The following LHFPL3 variants were observed in gnomAD, a reference collection of about 807,000 sequenced individuals.
The protein encoded by LHFPL3 is LHFPL tetraspan subfamily member 3, also known as LHFPL tetraspan subfamily member 3 protein.
LHFPL3 carries 5 observed loss-of-function variants against 19.3 expected under a neutral mutation model. The observed-to-expected ratio is 0.26, with a 90% confidence interval of 0.14 to 0.54. The LOEUF (loss-of-function observed/expected upper bound fraction) is 0.54, where lower values mean the gene tolerates loss of function less well. LHFPL3 is among the 20% of genes least tolerant of loss of function. The pLI is 0.94. For synonymous variants in LHFPL3, 133 were observed against 126.2 expected (o/e 1.05, Z -0.36); for missense variants, 249 against 307.4 (o/e 0.81, Z 1.42).
rs1790163993 is a variant in LHFPL3, at chr7:104,797,930, AC to A, written c.682+61020del. 6.0e-5 allele frequency among the ~76,000 whole-genome samples: 9 copies of A among 149,970 alleles called. No individual in the cohort carries two copies. The South Asian group carries it at 1.9e-3, about 32-fold the overall frequency. On this transcript the variant is annotated intron_variant, in intron 2 of 2. Coordinates refer to ENST00000424859, the MANE Select transcript of LHFPL3 (RefSeq NM_199000.3). ...GACCCTGTCTCAAAAACAAACAAAAACAAACCAAACAACAACAACAACAACA... is the reference window on the plus strand; with the variant it reads ...GACCCTGTCTCAAAAACAAACAAAAAAAACCAAACAACAACAACAACAACA...
At chr7:104,508,620 A>G (rs907565763) in intron 1 of LHFPL3, among the ~76,000 whole-genome samples, 1 of 51,336 alleles carries the variant, frequency 1.9e-5, no homozygotes, top group Non-Finnish European at 5.2e-5. Flanking sequence ...AAAAAAAAAT[A>G]TATATATATA....
chr7:104,435,223 G>C (rs2116567946), intron 1 of LHFPL3, among the ~76,000 whole-genome samples: 1 of 152,068 alleles, frequency 6.6e-6, no homozygotes, highest in Middle Eastern at 3.4e-3. Context: ...GCTTACTGCA[G>C]CCCCAAACTC....
At chr7:104,709,848 C>A (rs112772668) in intron 1 of LHFPL3, among the ~76,000 whole-genome samples, 2 of 120,362 alleles carry the variant, frequency 1.7e-5, no homozygotes, top group South Asian at 2.7e-4. Flanking sequence ...ACTGGGCGGC[C>A]GGGCAGAGGG....
At chr7:104,597,182 G>A (rs568250529) in intron 1 of LHFPL3, among the ~76,000 whole-genome samples, 57 of 152,208 alleles carry the variant, frequency 3.7e-4, no homozygotes, top group African/African-American at 1.2e-3. Context: ...TTATTAGTTT[G>A]AATATGTAGC....
intron 1 of LHFPL3, among the ~76,000 whole-genome samples, chr7:104,572,116 C>A (rs748552252): frequency 6.6e-6 from 1 of 152,104 alleles, no homozygotes; most frequent in Non-Finnish European, 1.5e-5. Context: ...AACAAATGTA[C>A]CAGATCAAAA....
At chr7:104,791,990 A>G (rs550928876) in intron 2 of LHFPL3, among the ~76,000 whole-genome samples, 6 of 152,264 alleles carry the variant, frequency 3.9e-5, no homozygotes, top group African/African-American at 9.6e-5. Flanking sequence ...CAGTCTCTCC[A>G]TAAGGTTATG....
At chr7:104,614,703 C>T in intron 1 of LHFPL3, among the ~76,000 whole-genome samples, 1 of 135,088 alleles carries the variant, frequency 7.4e-6, no homozygotes, top group Non-Finnish European at 1.6e-5. Context: ...TTCTTTCTTT[C>T]TTTCTTTCTT....
Position 104,329,220 on chromosome 7 carries a change from C to T in LHFPL3, c.441C>T (p.Thr147=). Residue 147 remains threonine (T), a synonymous_variant, in exon 1 of 3, where the codon ACC becomes ACT. Coordinates refer to ENST00000424859, the MANE Select transcript of LHFPL3 (RefSeq NM_199000.3). The stretch of plus-strand genomic sequence containing the variant: ...AGATATGTGCCTGGATGCAGCTCAC[C>T]TCCGGTGAGTGCGCGCTCACCTCCG... ...VYKICAWMQL[T]SAACLVLGCM... 6.2e-7 allele frequency: 1 copy of T among 1,600,436 alleles called. No individual in the cohort carries two copies. The highest frequency in any genetic ancestry group is 1.1e-5 in the South Asian group (1 of 90,054).
chr7:104,556,751 C>T (rs747043139), intron 1 of LHFPL3, among the ~76,000 whole-genome samples: 2 of 152,236 alleles, frequency 1.3e-5, no homozygotes, highest in East Asian at 3.8e-4. Context: ...TCTTTAACAT[C>T]ACATTGTCAG....
At chr7:104,667,625 A>G in intron 1 of LHFPL3, 1 of 708,476 alleles carries the variant, frequency 1.4e-6, no homozygotes, top group Non-Finnish European at 2.3e-6. Context: ...CATTTAGTGT[A>G]CAACATTGAA....
intron 1 of LHFPL3, among the ~76,000 whole-genome samples, chr7:104,563,436 C>T (rs896650995): frequency 1.3e-5 from 2 of 152,252 alleles, no homozygotes; most frequent in African/African-American, 2.4e-5. Context: ...GTGGGAGTGA[C>T]CCGATTTTCC....
At chr7:104,899,349 C>T (rs924685567) in intron 2 of LHFPL3, among the ~76,000 whole-genome samples, 3 of 152,150 alleles carry the variant, frequency 2.0e-5, no homozygotes, top group South Asian at 2.1e-4. Flanking sequence ...TGAACACACA[C>T]ATTTAACCAC....
At chr7:104,884,792 A>C (rs1371946595) in intron 2 of LHFPL3, among the ~76,000 whole-genome samples, 1 of 152,186 alleles carries the variant, frequency 6.6e-6, no homozygotes, top group East Asian at 1.9e-4. Flanking sequence ...CCCAAGCTTC[A>C]AGGGGAGACT....
At chr7:104,576,028 C>T (rs1398952445) in intron 1 of LHFPL3, among the ~76,000 whole-genome samples, 4 of 152,106 alleles carry the variant, frequency 2.6e-5, no homozygotes, top group Admixed American at 2.6e-4. Flanking sequence ...ATCCTTAGAA[C>T]TGCAGTGCCT....
intron 1 of LHFPL3, among the ~76,000 whole-genome samples, chr7:104,598,597 A>T (rs1584429528): frequency 6.6e-6 from 1 of 152,328 alleles, no homozygotes; most frequent in East Asian, 1.9e-4. Flanking sequence ...GCCAAAGAAC[A>T]ATAATGTCTG....
Position 104,748,338 on chromosome 7 carries a change from G to A in LHFPL3, c.682+11427G>A, listed in dbSNP as rs573879039. Among the ~76,000 whole-genome samples, 32 of 149,076 alleles carry A rather than the reference G, an allele frequency of 2.1e-4. No individual in the cohort carries two copies. In the East Asian group the frequency reaches 4.5e-3, roughly 21 times the overall value. On this transcript the variant is annotated intron_variant, in intron 2 of 2. Transcript: ENST00000424859. The stretch of plus-strand genomic sequence containing the variant: ...CTGACCGTCCCCCAGCCCGACACCC[G>A]TAAAGGGTCTGTGCTGAGGAGGATT...
intron 1 of LHFPL3, among the ~76,000 whole-genome samples, chr7:104,724,450 T>C (rs1793552717): frequency 6.6e-6 from 1 of 152,214 alleles, no homozygotes; most frequent in Admixed American, 6.5e-5. Context: ...TAAAAGCTTT[T>C]AAGTGCAATT....
intron 1 of LHFPL3, chr7:104,668,663 G>T: frequency 6.2e-7 from 1 of 1,611,856 alleles, no homozygotes; most frequent in Non-Finnish European, 8.5e-7. Flanking sequence ...ATGATCGGTC[G>T]TGGAGCTCCA....
At chr7:104,831,022 A>C (rs1222517656) in intron 2 of LHFPL3, among the ~76,000 whole-genome samples, 1 of 151,922 alleles carries the variant, frequency 6.6e-6, no homozygotes, top group South Asian at 2.1e-4. Flanking sequence ...AAACAATGAC[A>C]TGGTGACTCT....
Sources: gnomAD v4.1 joint callset for allele counts (sites outside exome capture counted in the v4.1 genomes callset) on GRCh38, gnomAD v4.1.1 for gene constraint, MANE v1.5 for transcripts, NCBI Gene and HGNC (gene_info 2026-07-23, HGNC 2026-07-21) for gene names.